SLF1: variants seen among roughly 807,000 people sequenced by gnomAD.
SLF1 encodes the protein SMC5-SMC6 complex localization factor protein 1.
A neutral mutation model predicts 123.0 loss-of-function variants in SLF1; 105 were observed. The observed-to-expected ratio is 0.85, with a 90% CI of 0.73 to 1.00. SLF1 has a LOEUF of 1.00. Among genes scored for constraint, SLF1 ranks in the 50% least tolerant of loss-of-function variants. The pLI is 0.00. For missense variants in SLF1, 1,239 were observed against 1,223.0 expected (o/e 1.01, Z -0.20); for synonymous variants, 434 against 406.6 (o/e 1.07, Z -0.81).
intron 4 of SLF1, among the ~76,000 whole-genome samples, chr5:94,634,057 C>CT (rs1474670269): frequency 1.3e-5 from 2 of 152,036 alleles, no homozygotes; most frequent in East Asian, 3.8e-4. Context: ...ATTTTCGTTT[C>CT]TTCTTTGACC....
At chr5:94,648,291 A>G (rs1747295371) in intron 5 of SLF1, among the ~76,000 whole-genome samples, 1 of 152,152 alleles carries the variant, frequency 6.6e-6, no homozygotes, top group African/African-American at 2.4e-5. Context: ...ATTCTCAGGG[A>G]TTATTCTGTG....
upstream of SLF1, chr5:94,618,445 G>C (rs1471276264): frequency 6.6e-6 from 1 of 152,526 alleles, no homozygotes; most frequent in African/African-American, 2.4e-5. Context: ...GCTGCACAGA[G>C]CCCCGGCCAG....
At chr5:94,626,610 C>T (rs920023937) in intron 1 of SLF1, among the ~76,000 whole-genome samples, 7 of 152,102 alleles carry the variant, frequency 4.6e-5, no homozygotes, top group African/African-American at 1.4e-4. Context: ...ATTGAGTAAA[C>T]ATTGTTTTGA....
At chr5:94,679,749 C>T (rs1751548549) in intron 15 of SLF1, among the ~76,000 whole-genome samples, 1 of 151,992 alleles carries the variant, frequency 6.6e-6, no homozygotes, top group Non-Finnish European at 1.5e-5. Context: ...ACTTTAAAGT[C>T]TCCCCTAAAA....
chr5:94,653,253 G>T lies in SLF1; in HGVS notation c.883-19G>T, dbSNP rs1327348691. ...ATGTCATTGATGTTGAGATTTAATT[G>T]TGGTCTAAATACATGTAGAAGGAAA... On this transcript the variant is annotated intron_variant, in intron 7 of 20. Coordinates refer to ENST00000265140, the MANE Select transcript of SLF1 (RefSeq NM_032290.4). 11 of 1,494,002 alleles carry T rather than the reference G, an allele frequency of 7.4e-6. No homozygotes were observed. The highest frequency in any genetic ancestry group is 8.9e-6 in the Non-Finnish European group (10 of 1,118,792). 92.5% of individuals were successfully genotyped at this position (1,494,002 alleles called of 1,614,324 possible). A position where few individuals can be genotyped will look rare whatever the true frequency, so the allele number is the denominator to read the frequency against.
chr5:94,627,128 A>AT (rs1305941462), intron 1 of SLF1, among the ~76,000 whole-genome samples: 1 of 152,168 alleles, frequency 6.6e-6, no homozygotes, highest in African/African-American at 2.4e-5. Context: ...GTTGCGTGCT[A>AT]TTAGTCCTGG....
rs1753409094 is a variant in SLF1, at chr5:94,694,814, G to A, written c.2696-17G>A. On this transcript the variant is annotated splice_polypyrimidine_tract_variant and intron_variant, in intron 20 of 20. Transcript: ENST00000265140. ...AGAAATGTTTTACTTGCAACATTTT[G>A]CATTTTCTTTTCACAGGCCCAGTGC... 1 of 1,529,802 alleles carries A rather than the reference G, an allele frequency of 6.5e-7. No individual in the cohort carries two copies. The allele number at this position is 1,529,802 out of a possible 1,614,324, so 94.8% of individuals were successfully genotyped here. A position where few individuals can be genotyped will look rare whatever the true frequency, so the allele number is the denominator to read the frequency against.
Position 94,651,839 on chromosome 5 carries a change from A to G in SLF1, c.876A>G (p.Glu292=). ...ATACCTTTGGAAGCCATACATATGA[A>G]AATCAGGTACAACTTTCCAAATTAA... is the stretch of plus-strand genomic sequence containing the variant. ...MRNTFGSHTY[E]NQKEIKKKDE... Residue 292 remains glutamate (E), a synonymous_variant, in exon 7 of 21, where the codon GAA becomes GAG. Transcript: ENST00000265140. 1 of 1,398,794 alleles carries G rather than the reference A, an allele frequency of 7.1e-7. No individual in the cohort carries two copies. Among genetic ancestry groups the G allele is most frequent in the East Asian group, 2.6e-5 (1 of 37,786 alleles). The allele number at this position is 1,398,794 out of a possible 1,614,324, so 86.6% of individuals were successfully genotyped here. A position where few individuals can be genotyped will look rare whatever the true frequency, so the allele number is the denominator to read the frequency against.
At chr5:94,640,729 C>T (rs1231485086) in intron 4 of SLF1, among the ~76,000 whole-genome samples, 1 of 151,866 alleles carries the variant, frequency 6.6e-6, no homozygotes, top group Non-Finnish European at 1.5e-5. Context: ...TCAGTGATTC[C>T]TTTTTCAGTT....
intron 9 of SLF1, among the ~76,000 whole-genome samples, chr5:94,655,511 A>T (rs1174105710): frequency 6.6e-6 from 1 of 152,082 alleles, no homozygotes; most frequent in Non-Finnish European, 1.5e-5. Context: ...TTTGATAGGG[A>T]TTCCATTAAA....
At chr5:94,677,607 C>G (rs1751235513) in intron 14 of SLF1, among the ~76,000 whole-genome samples, 1 of 152,034 alleles carries the variant, frequency 6.6e-6, no homozygotes, top group African/African-American at 2.4e-5. Context: ...TTTTCATATG[C>G]CTTTTACCCA....
At chr5:94,619,684 A>G (rs1791490868) in intron 1 of SLF1, among the ~76,000 whole-genome samples, 1 of 152,192 alleles carries the variant, frequency 6.6e-6, no homozygotes. Flanking sequence ...CAGACAATGC[A>G]CCTTGTGGAC....
chr5:94,640,331 A>G (rs1746304385), intron 4 of SLF1, among the ~76,000 whole-genome samples: 1 of 152,162 alleles, frequency 6.6e-6, no homozygotes, highest in Admixed American at 6.5e-5. Context: ...TCTGGCTTAC[A>G]TAGTTCTGAT....
At chr5:94,618,959 C>T (rs1791307830) in intron 1 of SLF1, among the ~76,000 whole-genome samples, 194 bp downstream of exon 1, 1 of 152,188 alleles carries the variant, frequency 6.6e-6, no homozygotes, top group Non-Finnish European at 1.5e-5. Context: ...ACTTCGCGCT[C>T]GGCGCCGGAG....
At chr5:94,626,252 CAAA>C (rs563542719) in intron 1 of SLF1, among the ~76,000 whole-genome samples, 2 of 58,380 alleles carry the variant, frequency 3.4e-5, no homozygotes, top group Non-Finnish European at 7.1e-5. Flanking sequence ...GACTCCATCT[CAAA>C]AAAAAAAAAA....
At chr5:94,648,640 G>T (rs943098574) in intron 5 of SLF1, among the ~76,000 whole-genome samples, 1 of 152,120 alleles carries the variant, frequency 6.6e-6, no homozygotes, top group African/African-American at 2.4e-5. Context: ...TGCCACCATG[G>T]CTGGCTAATT....
chr5:94,653,511 G>A, intron 8 of SLF1, 90 bp downstream of exon 8: 1 of 1,174,090 alleles, frequency 8.5e-7, no homozygotes, highest in Non-Finnish European at 1.1e-6. Context: ...CATGTTTTAA[G>A]AAAAAATCTT....
At chr5:94,693,041 C>T (rs1367272443) in intron 20 of SLF1, among the ~76,000 whole-genome samples, 2 of 152,008 alleles carry the variant, frequency 1.3e-5, no homozygotes, top group African/African-American at 4.8e-5. Context: ...AATTACTTGT[C>T]GTTTTTATTT....
intron 9 of SLF1, among the ~76,000 whole-genome samples, chr5:94,657,606 T>C (rs1334031280): frequency 6.6e-6 from 1 of 152,090 alleles, no homozygotes; most frequent in Non-Finnish European, 1.5e-5. Context: ...ATTTTCTGTT[T>C]CGATAATCTG....
Sources: gnomAD v4.1 joint callset for allele counts (sites outside exome capture counted in the v4.1 genomes callset) on GRCh38, gnomAD v4.1.1 for gene constraint, MANE v1.5 for transcripts, NCBI Gene and HGNC (gene_info 2026-07-23, HGNC 2026-07-21) for gene names.